The following NBAS variants were observed in gnomAD, a reference collection of about 807,000 sequenced individuals.
The protein encoded by NBAS is NBAS subunit of NRZ tethering complex, also known as NAG/BC035112 fusion.
In NBAS, 219 loss-of-function variants were observed where a neutral mutation model predicts 302.5. That is an observed-to-expected ratio of 0.72 (90% confidence interval 0.65 to 0.81). The LOEUF (loss-of-function observed/expected upper bound fraction) is 0.81, where lower values mean the gene tolerates loss of function less well. Among genes scored for constraint, NBAS ranks in the 30% least tolerant of loss-of-function variants. The pLI is 0.00. For synonymous variants in NBAS, 1,118 were observed against 1,021.6 expected (o/e 1.09, Z -1.80); for missense variants, 2,932 against 2,841.6 (o/e 1.03, Z -0.72).
At chr2:15,203,130 A>G (rs1449419531) in intron 48 of NBAS, among the ~76,000 whole-genome samples, 1 of 152,224 alleles carries the variant, frequency 6.6e-6, no homozygotes, top group Non-Finnish European at 1.5e-5. Context: ...ATAACATAAT[A>G]TACCATACAG....
the NBAS span, among the ~76,000 whole-genome samples, chr2:14,936,358 A>G: frequency 2.0e-5 from 3 of 152,224 alleles, no homozygotes; most frequent in Non-Finnish European, 4.4e-5. Flanking sequence ...AGAATGGAAA[A>G]TTAAAGTCTT....
At chr2:14,870,805 C>T in the NBAS span, among the ~76,000 whole-genome samples, 1 of 151,700 alleles carries the variant, frequency 6.6e-6, no homozygotes, top group Admixed American at 6.6e-5. Flanking sequence ...ATGGAAGCAA[C>T]CCAAAATTAC....
chr2:15,328,199 C>T lies in NBAS; in HGVS notation c.4461G>A (p.Glu1487=), dbSNP rs1303408116. The T allele has an allele frequency of 6.2e-7, 1 of 1,611,678 alleles. No homozygotes were observed. Among genetic ancestry groups the T allele is most frequent in the Admixed American group, 1.7e-5 (1 of 60,002 alleles). Residue 1487 remains glutamate, a splice_region_variant and synonymous_variant, in exon 37 of 52, where the codon GAG becomes GAA. Coordinates refer to ENST00000281513, the MANE Select transcript of NBAS (RefSeq NM_015909.4). ...ATCTTCCTAGACACGCTGTCCTTAC[C>T]TCAGCGACAAAAGGATTTGAGATGA... is the stretch of plus-strand genomic sequence containing the variant. The part of the protein sequence containing the change: ...ESVISNPFVA[E]SEGTYDTYQH...
the NBAS span, among the ~76,000 whole-genome samples, chr2:15,097,090 G>A: frequency 1.3e-5 from 2 of 152,176 alleles, no homozygotes; most frequent in Non-Finnish European, 2.9e-5. Flanking sequence ...TGGGAACCAG[G>A]GTAGAGTTAG....
the NBAS span, among the ~76,000 whole-genome samples, chr2:14,810,181 G>A: frequency 6.6e-6 from 1 of 152,280 alleles, no homozygotes; most frequent in Admixed American, 6.5e-5. Flanking sequence ...TAAGACTTTG[G>A]GAGACTGTTG....
the NBAS span, among the ~76,000 whole-genome samples, chr2:14,906,835 G>A: frequency 6.6e-5 from 10 of 152,150 alleles, no homozygotes; most frequent in Non-Finnish European, 1.5e-4. Flanking sequence ...AATCTGAGAA[G>A]ACAAAGTCGA....
At chr2:14,864,471 C>T in the NBAS span, among the ~76,000 whole-genome samples, 2 of 152,136 alleles carry the variant, frequency 1.3e-5, no homozygotes, top group Non-Finnish European at 2.9e-5. Context: ...ATCCAAGTCC[C>T]ATTCTCCCAT....
At chr2:15,028,853 T>C in the NBAS span, among the ~76,000 whole-genome samples, 1 of 152,224 alleles carries the variant, frequency 6.6e-6, no homozygotes, top group African/African-American at 2.4e-5. Context: ...GCATTATCAC[T>C]ACATAATGTT....
At chr2:14,958,515 C>T in the NBAS span, among the ~76,000 whole-genome samples, 24 of 151,980 alleles carry the variant, frequency 1.6e-4, no homozygotes, top group Non-Finnish European at 2.9e-4. Context: ...GGAGCAAATG[C>T]GCTACTCAGT....
At position 15,467,420 on chromosome 2, in the gene NBAS, A is replaced by C. The variant is rs778546376; in HGVS notation, c.2019-13T>G. ...TTCCAGTGTCAACCTGTTTTGAATA[A>C]CTATGTTAGGCCACTTATATTTACA... On this transcript the variant is annotated splice_polypyrimidine_tract_variant and intron_variant, in intron 18 of 51. Transcript: ENST00000281513. 1.3e-6 allele frequency: 2 copies of C among 1,599,688 alleles called. No homozygotes were observed. Among genetic ancestry groups the C allele is most frequent in the South Asian group, 2.2e-5 (2 of 90,800 alleles).
chr2:15,431,420 A>T (rs934278856), intron 21 of NBAS, among the ~76,000 whole-genome samples: 1 of 152,192 alleles, frequency 6.6e-6, no homozygotes, highest in Non-Finnish European at 1.5e-5. Flanking sequence ...TCAAATGATA[A>T]CATTTGAGAA....
At chr2:14,924,511 C>T in the NBAS span, among the ~76,000 whole-genome samples, 1 of 152,234 alleles carries the variant, frequency 6.6e-6, no homozygotes, top group South Asian at 2.1e-4. Context: ...CAACTTGAAA[C>T]CTGAGCAAAT....
the NBAS span, among the ~76,000 whole-genome samples, chr2:15,134,160 G>A: frequency 3.3e-5 from 5 of 151,676 alleles, no homozygotes; most frequent in African/African-American, 7.3e-5. Flanking sequence ...GATAGAATAA[G>A]GAGGTGGGGC....
intron 22 of NBAS, among the ~76,000 whole-genome samples, chr2:15,426,902 C>T (rs912198979): frequency 6.6e-6 from 1 of 152,078 alleles, no homozygotes; most frequent in East Asian, 1.9e-4. Context: ...TATCTAGAAA[C>T]CTCTTTTCAG....
intron 26 of NBAS, among the ~76,000 whole-genome samples, chr2:15,396,846 A>G (rs574097979): frequency 1.3e-5 from 2 of 152,162 alleles, no homozygotes; most frequent in African/African-American, 4.8e-5. Context: ...AAGCATAGCC[A>G]TGTTGGCTTT....
chr2:15,413,791 G>C (rs555518834), intron 25 of NBAS, among the ~76,000 whole-genome samples: 1 of 152,168 alleles, frequency 6.6e-6, no homozygotes, highest in Non-Finnish European at 1.5e-5. Flanking sequence ...GTTGCAGGAA[G>C]ACAACACTGA....
At chr2:15,341,784 C>A (rs1484570864) in intron 35 of NBAS, among the ~76,000 whole-genome samples, 1 of 152,098 alleles carries the variant, frequency 6.6e-6, no homozygotes, top group African/African-American at 2.4e-5. Flanking sequence ...TCCTGCATAT[C>A]AAGCTATCAA....
chr2:15,476,255 T>C (rs1680187614), intron 13 of NBAS, among the ~76,000 whole-genome samples: 1 of 152,140 alleles, frequency 6.6e-6, no homozygotes, highest in Admixed American at 6.5e-5. Context: ...GGTCATATAA[T>C]GTTTTGAAAA....
At chr2:15,202,621 C>G (rs1039199604) in intron 48 of NBAS, among the ~76,000 whole-genome samples, 2 of 152,218 alleles carry the variant, frequency 1.3e-5, no homozygotes, top group African/African-American at 4.8e-5. Flanking sequence ...CTCACTGCAA[C>G]CTCCGCCTCC....
Sources: gnomAD v4.1 joint callset for allele counts (sites outside exome capture counted in the v4.1 genomes callset) on GRCh38, gnomAD v4.1.1 for gene constraint, MANE v1.5 for transcripts, NCBI Gene and HGNC (gene_info 2026-07-23, HGNC 2026-07-21) for gene names.